Variants in MAN2A1 observed in about 807,000 individuals in gnomAD.
MAN2A1 encodes the protein alpha-mannosidase 2.
In MAN2A1, 76 loss-of-function variants were observed where a neutral mutation model predicts 142.6. That is an observed-to-expected ratio of 0.53 (90% confidence interval 0.44 to 0.65). MAN2A1 has a LOEUF of 0.65. Among genes scored for constraint, MAN2A1 ranks in the 30% least tolerant of loss-of-function variants. The pLI, the probability that MAN2A1 is intolerant of heterozygous loss-of-function variation, is 0.00. For synonymous variants in MAN2A1, 559 were observed against 473.2 expected (o/e 1.18, Z -2.35); for missense variants, 1,311 against 1,365.1 (o/e 0.96, Z 0.62).
At chr5:109,695,115 C>G (rs1234452611) in intron 1 of MAN2A1, among the ~76,000 whole-genome samples, 1 of 152,240 alleles carries the variant, frequency 6.6e-6, no homozygotes, top group Non-Finnish European at 1.5e-5. Flanking sequence ...GGGTCTCTTC[C>G]TGATCAGCAT....
chr5:109,747,040 G>A (rs1752427573), intron 4 of MAN2A1, among the ~76,000 whole-genome samples: 1 of 152,130 alleles, frequency 6.6e-6, no homozygotes, highest in Non-Finnish European at 1.5e-5. Flanking sequence ...ACATACCACA[G>A]CTTATTTATC....
At position 109,716,145 on chromosome 5, in the gene MAN2A1, C is replaced by G. The variant is rs371421984; in HGVS notation, c.416C>G (p.Ser139Cys). 22 of 1,609,192 alleles carry G rather than the reference C, an allele frequency of 1.4e-5. No individual in the cohort carries two copies. The highest frequency in any genetic ancestry group is 2.7e-5 in the African/African-American group (2 of 74,656). ...VQMLDVYSLISFDNPDGGVWK... is the reference protein window; with the variant it reads ...VQMLDVYSLICFDNPDGGVWK... ...ATGTTGGATGTTTACAGTCTAATTT[C>G]TTTTGACAATCCAGATGGTGGAGTT... The change falls in exon 3 of 22, where the codon TCT (serine) becomes TGT (cysteine). Residue 139 changes from serine to cysteine, a missense_variant. By Grantham distance (112) the Ser-to-Cys change is moderately radical. This residue lies in a region of MAN2A1 where 409 missense variants were observed against 412.7 expected (regional missense o/e 0.99). Transcript: ENST00000261483.
At chr5:109,821,988 T>A (rs1351071924) in intron 15 of MAN2A1, among the ~76,000 whole-genome samples, 1 of 152,062 alleles carries the variant, frequency 6.6e-6, no homozygotes, top group East Asian at 1.9e-4. Context: ...AATGTTATCC[T>A]AATTATTGTC....
At position 109,852,144 on chromosome 5, in the gene MAN2A1, C is replaced by CAA. The variant is rs35901259; in HGVS notation, c.2977-2984_2977-2983dup. Among the ~76,000 whole-genome samples, 114 of 143,560 alleles carry CAA rather than the reference C, an allele frequency of 7.9e-4. 1 individual carries two copies. Among genetic ancestry groups the CAA allele is most frequent in the Admixed American group, 2.6e-3 (38 of 14,458 alleles). The allele number at this position is 143,560 out of a possible 152,430, so 94.2% of individuals were successfully genotyped here. A position where few individuals can be genotyped will look rare whatever the true frequency, so the allele number is the denominator to read the frequency against. On this transcript the variant is annotated intron_variant, in intron 19 of 21. Coordinates refer to ENST00000261483, the MANE Select transcript of MAN2A1 (RefSeq NM_002372.4). ...TTTTATTAAAGAGTTGGCTTAAAAA[C>CAA]AAAAAAAAAAAAACATTTTAATACC...
At chr5:109,817,881 A>AAG (rs1229383732) in intron 13 of MAN2A1, among the ~76,000 whole-genome samples, 5 of 152,166 alleles carry the variant, frequency 3.3e-5, no homozygotes, top group African/African-American at 1.2e-4. Flanking sequence ...CACACCATGG[A>AAG]AGAGAAATGC....
At chr5:109,798,997 C>G (rs1428532329) in intron 12 of MAN2A1, among the ~76,000 whole-genome samples, 1 of 152,056 alleles carries the variant, frequency 6.6e-6, no homozygotes, top group Non-Finnish European at 1.5e-5. Flanking sequence ...CAGCCTCATT[C>G]TGTTTTTTAA....
rs1435747213 is a variant in MAN2A1, at chr5:109,867,045, T to C, written c.*47T>C. The stretch of plus-strand genomic sequence containing the variant: ...TGAGAATCATTGGCTTTTATACCTT[T>C]CTTGGTTTGACGTGCAATAAAGAAG... On this transcript the variant is annotated 3_prime_UTR_variant, in exon 22 of 22. Transcript: ENST00000261483. The C allele has an allele frequency of 1.3e-6, 2 of 1,540,940 alleles. No individual in the cohort carries two copies. The highest frequency in any genetic ancestry group is 4.6e-5 in the East Asian group (2 of 43,018).
intron 1 of MAN2A1, among the ~76,000 whole-genome samples, chr5:109,707,065 G>A (rs1193347373): frequency 1.3e-5 from 2 of 152,108 alleles, no homozygotes; most frequent in African/African-American, 4.8e-5. Flanking sequence ...ACTTTTGATT[G>A]GACTGTACAG....
rs113661582 is a variant in MAN2A1 at position 109,780,510 on chromosome 5, C to CTGTGTGTG, written c.1375-854_1375-847dup. 2.3e-3 allele frequency among the ~76,000 whole-genome samples: 327 copies of CTGTGTGTG among 143,772 alleles called. 3 individuals carry two copies. Among genetic ancestry groups the CTGTGTGTG allele is most frequent in the Middle Eastern group, 0.014 (4 of 284 alleles). 94.3% of individuals were successfully genotyped at this position (143,772 alleles called of 152,430 possible). On this transcript the variant is annotated intron_variant, in intron 8 of 21. Transcript: ENST00000261483. ...CTTGAATCAAAATGACTTGCAATAT[C>CTGTGTGTG]TGTGTGTGTGTGTGTGTGTGTGTGT...
intron 4 of MAN2A1, among the ~76,000 whole-genome samples, chr5:109,746,791 C>T (rs1752419441): frequency 6.6e-6 from 1 of 152,120 alleles, no homozygotes; most frequent in African/African-American, 2.4e-5. Context: ...CTCCTGGCAA[C>T]CACTGTTCTG....
intron 2 of MAN2A1, among the ~76,000 whole-genome samples, chr5:109,714,990 A>C (rs1291581596): frequency 2.0e-5 from 1 of 51,062 alleles, no homozygotes; most frequent in African/African-American, 1.5e-4. Flanking sequence ...AGGGAACAGC[A>C]AAAAAAAAAA....
At chr5:109,734,566 T>G (rs1459720989) in intron 4 of MAN2A1, among the ~76,000 whole-genome samples, 2 of 152,194 alleles carry the variant, frequency 1.3e-5, no homozygotes, top group Non-Finnish European at 2.9e-5. Flanking sequence ...TTCTGGTATG[T>G]TGTGTCTTTC....
intron 1 of MAN2A1, among the ~76,000 whole-genome samples, chr5:109,697,581 A>G (rs1561464826): frequency 6.6e-6 from 1 of 152,178 alleles, no homozygotes; most frequent in African/African-American, 2.4e-5. Context: ...AAGTGGTTTA[A>G]TAATGTTTCA....
chr5:109,841,371 C>T (rs1298889700), intron 16 of MAN2A1, among the ~76,000 whole-genome samples: 1 of 152,200 alleles, frequency 6.6e-6, no homozygotes, highest in Non-Finnish European at 1.5e-5. Context: ...GCTTAGCTCC[C>T]ACATATCAGT....
At position 109,794,710 on chromosome 5, in the gene MAN2A1, A is replaced by T. The variant is rs575783614; in HGVS notation, c.1943+5183A>T. On this transcript the variant is annotated intron_variant, in intron 12 of 21. Coordinates refer to ENST00000261483, the MANE Select transcript of MAN2A1 (RefSeq NM_002372.4). ...ACTAAGCTATTCTGTATTCCAGTCT[A>T]GTTTAGTTGTATCTAGGCATTAATA... Among the ~76,000 whole-genome samples the T allele has an allele frequency of 2.0e-5, 3 of 152,296 alleles. No individual in the cohort carries two copies. The South Asian group carries it at 6.2e-4, about 32-fold the overall frequency.
intron 1 of MAN2A1, among the ~76,000 whole-genome samples, chr5:109,704,856 A>G (rs1751086478): frequency 6.6e-6 from 1 of 152,198 alleles, no homozygotes; most frequent in Non-Finnish European, 1.5e-5. Context: ...AAATTATAAA[A>G]GGCAGATCTC....
intron 4 of MAN2A1, among the ~76,000 whole-genome samples, chr5:109,737,375 A>G (rs184176728): frequency 6.6e-4 from 101 of 151,942 alleles, no homozygotes; most frequent in Non-Finnish European, 1.2e-3. Flanking sequence ...CAGCCTCCCA[A>G]AGTTCTGGGA....
chr5:109,808,905 G>T (rs1437134010), intron 12 of MAN2A1, among the ~76,000 whole-genome samples: 1 of 151,898 alleles, frequency 6.6e-6, no homozygotes, highest in Non-Finnish European at 1.5e-5. Flanking sequence ...ATGTCGCCAT[G>T]TTTGCCAGGC....
At chr5:109,852,648 A>G (rs571608015) in intron 19 of MAN2A1, among the ~76,000 whole-genome samples, 1 of 152,322 alleles carries the variant, frequency 6.6e-6, no homozygotes, top group South Asian at 2.1e-4. Context: ...AGAGAAAGCT[A>G]CACTTATACA....
Sources: allele counts gnomAD v4.1 joint callset (sites outside exome capture counted in the v4.1 genomes callset), GRCh38; gene constraint gnomAD v4.1.1; regional missense constraint gnomAD v4.1.1; transcripts MANE v1.5; gene names NCBI Gene and HGNC (gene_info 2026-07-23, HGNC 2026-07-21).